The following PRH1 variants were observed in gnomAD, a reference collection of about 807,000 sequenced individuals.
PRH1 encodes the protein salivary acidic proline-rich phosphoprotein 1/2.
In PRH1, 7 loss-of-function variants were observed where a neutral mutation model predicts 7.9. That is an observed-to-expected ratio of 0.89 (90% CI 0.50 to 1.67). The LOEUF (loss-of-function observed/expected upper bound fraction) is 1.67, where lower values mean the gene tolerates loss of function less well. Ranked by LOEUF, PRH1 falls within the 40% of genes most tolerant of loss-of-function variation. The pLI is 0.00. For synonymous variants in PRH1, 45 were observed against 80.8 expected (o/e 0.56, Z 2.38); for missense variants, 109 against 223.6 (o/e 0.49, Z 3.27).
At chr12:10,909,310 G>GA in intron 2 of PRH1, 1 of 1,592,654 alleles carries the variant, frequency 6.3e-7, no homozygotes, top group African/African-American at 1.3e-5. Context: ...TCAGAACAGA[G>GA]AAAGTTCAAT....
At chr12:11,071,379 T>A (rs73045570) in intron 1 of PRH1, among the ~76,000 whole-genome samples, 1 of 151,580 alleles carries the variant, frequency 6.6e-6, no homozygotes, top group Admixed American at 6.6e-5. Flanking sequence ...GTAGGGAAAA[T>A]TATAAAATAA....
intron 2 of PRH1, among the ~76,000 whole-genome samples, chr12:10,925,989 A>G (rs1479043179): frequency 2.0e-5 from 3 of 152,228 alleles, no homozygotes; most frequent in Non-Finnish European, 4.4e-5. Context: ...GTAAATGTTT[A>G]AAAATGTTTT....
At chr12:10,890,084 T>C (rs1448364019) in intron 2 of PRH1, among the ~76,000 whole-genome samples, 1 of 152,164 alleles carries the variant, frequency 6.6e-6, no homozygotes, top group Non-Finnish European at 1.5e-5. Flanking sequence ...AATTTTCTGT[T>C]TTATCTTGCA....
At chr12:10,939,282 T>C in intron 2 of PRH1, 1 of 809,374 alleles carries the variant, frequency 1.2e-6, no homozygotes, top group Non-Finnish European at 1.9e-6. Context: ...AAATGCTATG[T>C]ATATCTGATT....
chr12:10,987,290 G>A (rs948430852), intron 1 of PRH1, among the ~76,000 whole-genome samples: 16 of 152,080 alleles, frequency 1.1e-4, no homozygotes, highest in Admixed American at 7.9e-4. Flanking sequence ...TTTTACCCCC[G>A]AGTCCATCGT....
intron 2 of PRH1, among the ~76,000 whole-genome samples, chr12:10,970,563 GT>G (rs112603233): frequency 8.6e-4 from 123 of 143,362 alleles, no homozygotes; most frequent in African/African-American, 2.9e-3. Flanking sequence ...AAGTTTTTTT[GT>G]TTTTTTTTTT....
At chr12:11,036,711 G>C (rs890457185) in intron 1 of PRH1, among the ~76,000 whole-genome samples, 14 of 152,164 alleles carry the variant, frequency 9.2e-5, no homozygotes, top group African/African-American at 3.1e-4. Flanking sequence ...AGCTTGACTT[G>C]AACTTTGCTG....
chr12:10,882,135 T>G, intron 3 of PRH1, 82 bp downstream of exon 3: 1 of 1,582,382 alleles, frequency 6.3e-7, no homozygotes, highest in East Asian at 2.2e-5. Flanking sequence ...TATTAACAGG[T>G]TTTCAGAGGA....
At chr12:11,101,881 A>G (rs2443095) in intron 1 of PRH1, among the ~76,000 whole-genome samples, 68,801 of 151,518 alleles carry the variant, frequency 0.45, 16,422 homozygotes, top group Non-Finnish European at 0.52. Flanking sequence ...AAAATCACAA[A>G]CATTCTTATA....
intron 2 of PRH1, chr12:10,930,378 T>G: frequency 2.6e-6 from 4 of 1,554,904 alleles, no homozygotes; most frequent in Non-Finnish European, 8.9e-7. Context: ...TCCAGTGTCT[T>G]CTTATCATCC....
rs1944604620 is a variant in PRH1 at position 11,084,263 on chromosome 12, T to C, written n.124-37075A>G. Among the ~76,000 whole-genome samples, 11 of 18,768 alleles carry C rather than the reference T, an allele frequency of 5.9e-4. No homozygotes were observed. The South Asian group carries it at 0.038, about 65-fold the overall frequency. 12.3% of individuals were successfully genotyped at this position (18,768 alleles called of 152,430 possible). On this transcript the variant is annotated intron_variant and non_coding_transcript_variant, in intron 1 of 4. Coordinates refer to the PRH1 transcript ENST00000541977. ...AAAGATGCCTTGCTGAGAAATTTTCTGTCGAAGTGTTGGTTTCTTTTGTCT... is the reference window on the plus strand; with the variant it reads ...AAAGATGCCTTGCTGAGAAATTTTCCGTCGAAGTGTTGGTTTCTTTTGTCT...
intron 1 of PRH1, among the ~76,000 whole-genome samples, chr12:11,136,868 T>C (rs1266906352): frequency 6.6e-6 from 1 of 152,104 alleles, no homozygotes; most frequent in Non-Finnish European, 1.5e-5. Flanking sequence ...TAAATGAAAA[T>C]GTGAGCCAGG....
chr12:11,049,151 C>T, upstream of PRH1: 6 of 783,696 alleles, frequency 7.7e-6, no homozygotes, highest in Non-Finnish European at 1.1e-5. Context: ...TGTGTCTTAA[C>T]CCACTCAAGG....
At position 11,091,140 on chromosome 12, in the gene PRH1, ATATT is replaced by A. The variant is rs1323703153; in HGVS notation, n.124-43956_124-43953del. 182 of 133,512 alleles carry A rather than the reference ATATT, an allele frequency of 1.4e-3. 37 individuals are homozygous for A. Among genetic ancestry groups the A allele is most frequent in the Non-Finnish European group, 2.0e-3 (125 of 62,766 alleles). The allele number at this position is 133,512 out of a possible 1,614,324, so 8.3% of individuals were successfully genotyped here. A position where few individuals can be genotyped will look rare whatever the true frequency, so the allele number is the denominator to read the frequency against. On this transcript the variant is annotated intron_variant and non_coding_transcript_variant, in intron 1 of 4. Transcript: ENST00000541977. ...CATATATATATATATATATATATAT[ATATT>A]TTCTAGACTGCCATTGGGTCAAAGA...
At chr12:11,063,938 CTA>C (rs1252414837) in intron 1 of PRH1, among the ~76,000 whole-genome samples, 1 of 152,014 alleles carries the variant, frequency 6.6e-6, no homozygotes, top group Non-Finnish European at 1.5e-5. Context: ...ATAATAATTT[CTA>C]TGAGACATAT....
Position 10,913,441 on chromosome 12 carries a change from C to T in PRH1, c.-58-29166G>A, listed in dbSNP as rs886766753. ...CTGCACTCCAGTGTGGGTGACAAAG[C>T]GAGACTCCGTCTCAAAAAAAAAAAA... is the stretch of plus-strand genomic sequence containing the variant. On this transcript the variant is annotated intron_variant, in intron 2 of 3. Transcript: ENST00000539853. Among the ~76,000 whole-genome samples the T allele has an allele frequency of 4.9e-5, 7 of 142,566 alleles. No individual in the cohort carries two copies. The South Asian group carries it at 7.3e-4, about 15-fold the overall frequency. 93.5% of individuals were successfully genotyped at this position (142,566 alleles called of 152,430 possible).
Position 10,921,747 on chromosome 12 carries a change from C to T in PRH1, c.-58-37472G>A, listed in dbSNP as rs76436663. Among the ~76,000 whole-genome samples the T allele has an allele frequency of 7.4e-3, 1,127 of 152,192 alleles. 9 individuals carry two copies. Among genetic ancestry groups the T allele is most frequent in the Non-Finnish European group, 0.011 (716 of 67,996 alleles). ...TCTATGACTTGGGAAATTTACTTAA[C>T]CTTGCTATCCCTTGGATTTTTGTTT... On this transcript the variant is annotated intron_variant, in intron 2 of 3. Coordinates refer to the PRH1 transcript ENST00000539853.
At chr12:11,006,822 T>C (rs1940854576) in intron 1 of PRH1, among the ~76,000 whole-genome samples, 1 of 152,138 alleles carries the variant, frequency 6.6e-6, no homozygotes. Context: ...AGTTCAATGC[T>C]GCATTTATGG....
At chr12:11,046,469 A>T (rs570060205) in intron 1 of PRH1, among the ~76,000 whole-genome samples, 1 of 152,118 alleles carries the variant, frequency 6.6e-6, no homozygotes, top group South Asian at 2.1e-4. Flanking sequence ...TGCTCGTGTT[A>T]TGCCAAACTC....
Sources: gnomAD v4.1 joint callset for allele counts (sites outside exome capture counted in the v4.1 genomes callset) on GRCh38, gnomAD v4.1.1 for gene constraint, MANE v1.5 for transcripts, NCBI Gene and HGNC (gene_info 2026-07-23, HGNC 2026-07-21) for gene names.